CHD6: variants seen among roughly 807,000 people sequenced by gnomAD.
The protein encoded by CHD6 is chromodomain helicase DNA binding protein 6, also known as ATP-dependent chromatin remodeler CHD6.
Under a neutral mutation model 276.9 loss-of-function variants are expected in CHD6, and 50 were observed. The observed-to-expected ratio is 0.18, with a 90% confidence interval of 0.14 to 0.23. The LOEUF (loss-of-function observed/expected upper bound fraction) is 0.23, where lower values mean the gene tolerates loss of function less well. Among genes scored for constraint, CHD6 ranks in the 10% least tolerant of loss-of-function variants. CHD6 has a pLI of 1.00. For synonymous variants in CHD6, 1,173 were observed against 1,229.3 expected, an observed-to-expected ratio of 0.95 and a Z score of 0.96; for missense variants, 2,564 against 3,365.8, an observed-to-expected ratio of 0.76 and a Z score of 5.89.
At chr20:41,515,850 T>C (rs1031999285) in intron 3 of CHD6, among the ~76,000 whole-genome samples, 2 of 152,234 alleles carry the variant, frequency 1.3e-5, no homozygotes, top group Non-Finnish European at 2.9e-5. Context: ...TCAGAGTGAG[T>C]AGTCTTATGC....
At chr20:41,604,502 T>C (rs1160293127) in intron 1 of CHD6, among the ~76,000 whole-genome samples, 4 of 152,208 alleles carry the variant, frequency 2.6e-5, no homozygotes. Flanking sequence ...GTTGCAGATG[T>C]CTTAGAGTTG....
chr20:41,534,697 A>ATAAC (rs990286722), intron 2 of CHD6, among the ~76,000 whole-genome samples: 2 of 152,136 alleles, frequency 1.3e-5, no homozygotes, highest in African/African-American at 4.8e-5. Context: ...AAATAAATAA[A>ATAAC]TAAAAGGAAA....
At chr20:41,611,278 G>T (rs1308641926) in intron 1 of CHD6, among the ~76,000 whole-genome samples, 9 of 152,200 alleles carry the variant, frequency 5.9e-5, no homozygotes, top group African/African-American at 2.2e-4. Flanking sequence ...GCTCCAAAAA[G>T]GGTAGAAATG....
intron 3 of CHD6, among the ~76,000 whole-genome samples, chr20:41,516,316 C>T (rs948880167): frequency 2.6e-5 from 4 of 152,042 alleles, no homozygotes; most frequent in Admixed American, 6.6e-5. Context: ...TCCGTCACCA[C>T]GCATGGCTAA....
intron 27 of CHD6, among the ~76,000 whole-genome samples, chr20:41,426,989 G>C (rs578220774): frequency 1.3e-5 from 2 of 152,136 alleles, no homozygotes; most frequent in Non-Finnish European, 2.9e-5. Context: ...TCAAGACTTT[G>C]CTATTTTAGA....
chr20:41,550,035 A>C (rs1229882770), intron 2 of CHD6, among the ~76,000 whole-genome samples: 2 of 152,204 alleles, frequency 1.3e-5, no homozygotes, highest in Non-Finnish European at 1.5e-5. Flanking sequence ...TCCTGACCTC[A>C]GGTGATCTGA....
rs368951249 is a variant in CHD6, at chr20:41,499,401, G to A, written c.853-44C>T. 679 of 1,449,656 alleles carry A rather than the reference G, an allele frequency of 4.7e-4. No individual in the cohort carries two copies. In the Middle Eastern group the frequency reaches 0.013, roughly 28 times the overall value. The allele number at this position is 1,449,656 out of a possible 1,614,324, so 89.8% of individuals were successfully genotyped here. ...AAAAAAGAAAATTGCTGGAACCACA[G>A]AATCCAAGAAAACAATTCTGTAAGA... On this transcript the variant is annotated intron_variant, in intron 5 of 36. Transcript: ENST00000373233.
Position 41,538,126 on chromosome 20 carries a change from G to A in CHD6, c.34-4556C>T, listed in dbSNP as rs529191245. Among the ~76,000 whole-genome samples the A allele has an allele frequency of 4.9e-4, 74 of 152,288 alleles. No homozygotes were observed. The Middle Eastern group carries it at 0.017, about 35-fold the overall frequency. ...CAGCAAAGGGGAGGCCAAGGTGGGC[G>A]GATCACATGAGGTCAGGAGTTCAAG... On this transcript the variant is annotated intron_variant, in intron 2 of 36. Transcript: ENST00000373233.
chr20:41,588,063 T>G (rs1170966645), intron 1 of CHD6, among the ~76,000 whole-genome samples: 1 of 151,706 alleles, frequency 6.6e-6, no homozygotes, highest in Non-Finnish European at 1.5e-5. Context: ...GCAGGTAGGA[T>G]GAGGAAGCCA....
chr20:41,403,430 G>C lies in CHD6; in HGVS notation c.*1163C>G, dbSNP rs985127134. Reference sequence around the variant, plus strand: ...TAAACATGGAGAAGCTGAGGAAGAAGAGAAAATAATGTTGACTTGCAATGT... The same window carrying C: ...TAAACATGGAGAAGCTGAGGAAGAACAGAAAATAATGTTGACTTGCAATGT... On this transcript the variant is annotated 3_prime_UTR_variant, in exon 37 of 37. Transcript: ENST00000373233. The C allele has an allele frequency of 1.9e-6, 2 of 1,062,116 alleles. No individual in the cohort carries two copies. The highest frequency in any genetic ancestry group is 2.3e-6 in the Non-Finnish European group (2 of 877,242). 65.8% of individuals were successfully genotyped at this position (1,062,116 alleles called of 1,614,324 possible). A position where few individuals can be genotyped will look rare whatever the true frequency, so the allele number is the denominator to read the frequency against.
At chr20:41,418,389 A>C (rs2145442005) in intron 31 of CHD6, among the ~76,000 whole-genome samples, 1 of 152,304 alleles carries the variant, frequency 6.6e-6, no homozygotes, top group South Asian at 2.1e-4. Context: ...CATGAAGATG[A>C]GGAGGCAACA....
chr20:41,607,478 C>T (rs553188927), intron 1 of CHD6, among the ~76,000 whole-genome samples: 2 of 152,284 alleles, frequency 1.3e-5, no homozygotes, highest in Admixed American at 1.3e-4. Context: ...TTTTCAATAA[C>T]TGTTTGCTAA....
rs372695000 is a variant in CHD6 at position 41,426,060 on chromosome 20, C to T, written c.4129+33G>A. ...CGATAACTAACAAACTAAGACCTTA[C>T]TTTCCTATGCCTTCAGAAGGACATA... On this transcript the variant is annotated intron_variant, in intron 28 of 36. Transcript: ENST00000373233. The T allele has an allele frequency of 6.4e-5, 95 of 1,489,016 alleles. No homozygotes were observed. In the African/African-American group the frequency reaches 1.3e-3, roughly 20 times the overall value. 92.2% of individuals were successfully genotyped at this position (1,489,016 alleles called of 1,614,324 possible). A position where few individuals can be genotyped will look rare whatever the true frequency, so the allele number is the denominator to read the frequency against.
At chr20:41,472,253 A>G (rs1171360343) in intron 17 of CHD6, among the ~76,000 whole-genome samples, 1 of 152,002 alleles carries the variant, frequency 6.6e-6, no homozygotes, top group Non-Finnish European at 1.5e-5. Flanking sequence ...AAAAAAAAAA[A>G]AAAAGAAAGG....
chr20:41,477,805 G>C (rs922754218), intron 16 of CHD6, among the ~76,000 whole-genome samples: 2 of 152,128 alleles, frequency 1.3e-5, no homozygotes, highest in Non-Finnish European at 2.9e-5. Flanking sequence ...CCGAAAGCAG[G>C]GACGCAGAGT....
At chr20:41,575,613 C>G (rs1173122526) in intron 1 of CHD6, among the ~76,000 whole-genome samples, 1 of 152,082 alleles carries the variant, frequency 6.6e-6, no homozygotes, top group Non-Finnish European at 1.5e-5. Flanking sequence ...TGGAACCGAC[C>G]CCAACAGAAA....
chr20:41,573,848 C>T (rs1306098180), intron 1 of CHD6, among the ~76,000 whole-genome samples: 3 of 152,130 alleles, frequency 2.0e-5, no homozygotes, highest in Non-Finnish European at 2.9e-5. Context: ...CGGGAGGGGT[C>T]TCTGACCATA....
At chr20:41,615,434 T>A (rs2045925943) in intron 1 of CHD6, among the ~76,000 whole-genome samples, 1 of 151,874 alleles carries the variant, frequency 6.6e-6, no homozygotes, top group African/African-American at 2.4e-5. Flanking sequence ...TTCAATATAA[T>A]AACCTGGTAC....
At chr20:41,566,174 G>T (rs1415251874) in intron 1 of CHD6, among the ~76,000 whole-genome samples, 1 of 152,132 alleles carries the variant, frequency 6.6e-6, no homozygotes, top group African/African-American at 2.4e-5. Flanking sequence ...AACTCTCTCA[G>T]ATGACTCTAA....
Sources: gnomAD v4.1 joint callset for allele counts (sites outside exome capture counted in the v4.1 genomes callset) on GRCh38, gnomAD v4.1.1 for gene constraint, MANE v1.5 for transcripts, NCBI Gene and HGNC (gene_info 2026-07-23, HGNC 2026-07-21) for gene names.